The following DOCK8 variants were observed in gnomAD, a reference collection of about 807,000 sequenced individuals.
The protein encoded by DOCK8 is dedicator of cytokinesis 8.
In DOCK8, 141 loss-of-function variants were observed where a neutral mutation model predicts 245.6. The ratio of observed to expected loss-of-function variants is 0.57; its 90% CI spans 0.50 to 0.66. The LOEUF (loss-of-function observed/expected upper bound fraction) is 0.66. DOCK8 is among the 30% of genes least tolerant of loss of function. DOCK8 has a pLI of 0.00. For synonymous variants in DOCK8, 1,168 were observed against 970.2 expected (o/e 1.20, Z -3.79); for missense variants, 2,965 against 2,603.4 (o/e 1.14, Z -3.02).
intron 28 of DOCK8, among the ~76,000 whole-genome samples, chr9:412,337 G>A (rs566759847): frequency 1.7e-4 from 25 of 151,114 alleles, no homozygotes; most frequent in East Asian, 1.5e-3. Context: ...CCCAGAAAGC[G>A]GAGGTTGTAG....
At chr9:388,513 TTAG>T (rs1207474329) in intron 23 of DOCK8, among the ~76,000 whole-genome samples, 1 of 152,136 alleles carries the variant, frequency 6.6e-6, no homozygotes, top group Non-Finnish European at 1.5e-5. Context: ...TACGCAAGAA[TTAG>T]TACATTGGGT....
intron 40 of DOCK8, among the ~76,000 whole-genome samples, chr9:440,524 CT>C (rs1360085376): frequency 6.6e-6 from 1 of 151,706 alleles, no homozygotes; most frequent in Non-Finnish European, 1.5e-5. Flanking sequence ...TCTTGCTTTC[CT>C]TTTCAAGATT....
chr9:267,320 C>G (rs1342582955), intron 1 of DOCK8, among the ~76,000 whole-genome samples: 1 of 152,206 alleles, frequency 6.6e-6, no homozygotes, highest in Admixed American at 6.5e-5. Flanking sequence ...ATCCTCCCAC[C>G]TCAGCCCCCT....
In DOCK8 at chr9:434,912, G is replaced by C; in HGVS notation, c.5016G>C (p.Val1672=). The C allele has an allele frequency of 6.2e-7, 1 of 1,613,832 alleles. No homozygotes were observed. The highest frequency in any genetic ancestry group is 8.5e-7 in the Non-Finnish European group (1 of 1,180,036). Residue 1672 remains valine (V), a synonymous_variant, in exon 39 of 48, where the codon GTG becomes GTC. Coordinates refer to ENST00000432829, the MANE Select transcript of DOCK8 (RefSeq NM_203447.4). The part of the protein sequence containing the change: ...AMCLVHAAAL[V]AEYLSMLEDH... ...GCCTGGTGCACGCCGCTGCGTTAGT[G>C]GCTGAGTATCTGAGCATGCTGGAGG...
At chr9:304,116 A>G (rs2049692681) in intron 4 of DOCK8, among the ~76,000 whole-genome samples, 1 of 152,184 alleles carries the variant, frequency 6.6e-6, no homozygotes, top group South Asian at 2.1e-4. Flanking sequence ...TAAATCATTT[A>G]TTTTTATTTT....
At chr9:397,711 A>T (rs1337060122) in intron 25 of DOCK8, among the ~76,000 whole-genome samples, 3 of 152,186 alleles carry the variant, frequency 2.0e-5, no homozygotes, top group Non-Finnish European at 4.4e-5. Context: ...TAGATATGAA[A>T]GATAATATTT....
chr9:215,064 G>A (rs767078748), intron 1 of DOCK8, 35 bp downstream of exon 1: 2 of 1,550,214 alleles, frequency 1.3e-6, no homozygotes, highest in African/African-American at 1.4e-5. Flanking sequence ...GGTTGCGGCC[G>A]GACAGCCCAG....
intron 1 of DOCK8, chr9:215,547 G>T: frequency 9.0e-7 from 1 of 1,111,740 alleles, no homozygotes; most frequent in South Asian, 2.9e-5. Flanking sequence ...AAAGAGCTTG[G>T]CTCCTGGTGG....
intron 1 of DOCK8, among the ~76,000 whole-genome samples, chr9:252,557 C>A (rs1218517320): frequency 6.6e-6 from 1 of 151,964 alleles, no homozygotes; most frequent in Non-Finnish European, 1.5e-5. Context: ...AATCCCAGCA[C>A]TTTGGGAGGC....
intron 1 of DOCK8, among the ~76,000 whole-genome samples, chr9:268,598 C>G (rs2129893401): frequency 6.6e-6 from 1 of 152,336 alleles, no homozygotes; most frequent in Middle Eastern, 3.4e-3. Flanking sequence ...ATAGACCACT[C>G]TGGTGTATAA....
chr9:233,028 G>A (rs2047155563), intron 1 of DOCK8, among the ~76,000 whole-genome samples: 1 of 152,064 alleles, frequency 6.6e-6, no homozygotes, highest in Non-Finnish European at 1.5e-5. Flanking sequence ...TCTCTTGTGG[G>A]CATTTAGTGC....
chr9:315,518 A>G (rs1291118829), intron 6 of DOCK8, among the ~76,000 whole-genome samples: 1 of 152,242 alleles, frequency 6.6e-6, no homozygotes, highest in Non-Finnish European at 1.5e-5. Flanking sequence ...TTTAGTGGCA[A>G]TAAGAAATTA....
chr9:314,987 A>G (rs2050281001), intron 6 of DOCK8, among the ~76,000 whole-genome samples: 2 of 152,204 alleles, frequency 1.3e-5, no homozygotes. Flanking sequence ...TTATTCTACA[A>G]AAGGCATTCT....
intron 1 of DOCK8, among the ~76,000 whole-genome samples, chr9:234,873 G>A (rs576466599): frequency 1.8e-4 from 27 of 151,780 alleles, no homozygotes; most frequent in South Asian, 6.2e-4. Flanking sequence ...TAGTTTGATC[G>A]TCTGAAGCCT....
intron 42 of DOCK8, 143 bp from the exon 43 acceptor site, chr9:443,284 G>A (rs993458451): frequency 3.9e-6 from 3 of 774,394 alleles, no homozygotes; most frequent in Middle Eastern, 7.5e-4. Flanking sequence ...GCTGAACTTT[G>A]CTCATTAGCT....
intron 1 of DOCK8, among the ~76,000 whole-genome samples, chr9:229,225 G>A (rs1055351731): frequency 4.6e-5 from 7 of 151,960 alleles, no homozygotes; most frequent in South Asian, 4.1e-4. Flanking sequence ...ATACTATCCC[G>A]TTTCAGATTT....
intron 42 of DOCK8, 117 bp downstream of exon 42, chr9:442,126 A>AG (rs1389777088): frequency 6.9e-7 from 1 of 1,444,084 alleles, no homozygotes; most frequent in Non-Finnish European, 9.5e-7. Flanking sequence ...ATCTCTACAT[A>AG]AAGTTTTCCC....
At chr9:280,901 A>G (rs1239152695) in intron 2 of DOCK8, 1 of 152,288 alleles carries the variant, frequency 6.6e-6, no homozygotes, top group African/African-American at 2.4e-5. Context: ...AAGCCGTCAC[A>G]AAAGGTAAAG....
chr9:213,785 A>G (rs528862564), upstream of DOCK8: 2 of 151,720 alleles, frequency 1.3e-5, no homozygotes, highest in East Asian at 3.9e-4. Context: ...GCTGGAGTGC[A>G]GTGGCAGATC....
Sources: gnomAD v4.1 joint callset for allele counts (sites outside exome capture counted in the v4.1 genomes callset) on GRCh38, gnomAD v4.1.1 for gene constraint, MANE v1.5 for transcripts, NCBI Gene and HGNC (gene_info 2026-07-23, HGNC 2026-07-21) for gene names.